Variants in FAT1 observed in about 807,000 individuals in gnomAD.
FAT1 encodes FAT atypical cadherin 1.
Under a neutral mutation model 329.8 loss-of-function variants are expected in FAT1, and 171 were observed. The ratio of observed to expected loss-of-function variants is 0.52; its 90% CI spans 0.46 to 0.59. The LOEUF is 0.59. FAT1 is among the 20% of genes least tolerant of loss of function. The pLI, the probability that FAT1 is intolerant of heterozygous loss-of-function variation, is 0.00. For missense variants in FAT1, 5,672 were observed against 5,774.4 expected, an observed-to-expected ratio of 0.98 and a Z score of 0.57; for synonymous variants, 2,233 against 2,228.6, an observed-to-expected ratio of 1.00 and a Z score of -0.06.
chr4:186,700,457 C>T (rs539634412), intron 2 of FAT1, among the ~76,000 whole-genome samples: 1 of 152,300 alleles, frequency 6.6e-6, no homozygotes, highest in African/African-American at 2.4e-5. Context: ...AATTCAAACT[C>T]CTGTCCTCCT....
intron 1 of FAT1, among the ~76,000 whole-genome samples, chr4:186,715,461 T>C (rs1745168121): frequency 6.6e-6 from 1 of 152,144 alleles, no homozygotes; most frequent in African/African-American, 2.4e-5. Flanking sequence ...AATGAAAAAA[T>C]ACACTTTTTG....
chr4:186,621,521 C>A lies in FAT1; in HGVS notation c.5065G>T (p.Val1689Phe), dbSNP rs746745969. The A allele has an allele frequency of 6.2e-7, 1 of 1,613,974 alleles. No individual in the cohort carries two copies. The highest frequency in any genetic ancestry group is 8.5e-7 in the Non-Finnish European group (1 of 1,179,854). Residue 1689 changes from valine (V) to phenylalanine (F), a missense_variant, in exon 10 of 27, where the codon GTT becomes TTT. Physicochemically the swap from Val to Phe is conservative, Grantham distance 50. Coordinates refer to ENST00000441802, the MANE Select transcript of FAT1 (RefSeq NM_005245.4). ...TVSIGSFVGM[V>F]TAHSQSSVVY... Reference sequence around the variant, plus strand: ...ACTGATGATTGACTATGGGCTGTAACCATCCCAACGAAACTCCCAATGCTG... The same window carrying A: ...ACTGATGATTGACTATGGGCTGTAAACATCCCAACGAAACTCCCAATGCTG...
chr4:186,663,071 C>T (rs941324631), intron 3 of FAT1, among the ~76,000 whole-genome samples: 2 of 152,290 alleles, frequency 1.3e-5, no homozygotes, highest in African/African-American at 2.4e-5. Context: ...CTCCTGACCT[C>T]GTGATCTGCC....
chr4:186,723,538 G>C (rs564662694), intron 1 of FAT1, 126 bp downstream of exon 1: 1 of 152,362 alleles, frequency 6.6e-6, no homozygotes, highest in South Asian at 2.1e-4. Flanking sequence ...GGGAAGTCGC[G>C]CGCTCATCCG....
Position 186,617,974 on chromosome 4 carries a change from G to A in FAT1, c.8612C>T (p.Thr2871Ile), listed in dbSNP as rs756707942. 1.9e-6 allele frequency: 3 copies of A among 1,614,000 alleles called. No homozygotes were observed. Among genetic ancestry groups the A allele is most frequent in the Non-Finnish European group, 2.5e-6 (3 of 1,179,896 alleles). The stretch of plus-strand genomic sequence containing the variant: ...CTTTTCATGGTCAAGTTCCTTTAAA[G>A]TTGTAATCCAGCCTGTTTCCATGTT... The part of the protein sequence containing the change: ...AINMETGWIT[T>I]LKELDHEKRD... The change falls in exon 10 of 27, where the codon ACT (threonine) becomes ATT (isoleucine). Residue 2871 changes from threonine (T) to isoleucine (I), a missense_variant. By Grantham distance (89) the Thr-to-Ile change is moderately conservative (BLOSUM62 -1). This residue lies in a region of FAT1 where 3,966 missense variants were observed against 3,915.2 expected (regional missense o/e 1.01). Transcript: ENST00000441802.
intron 2 of FAT1, among the ~76,000 whole-genome samples, chr4:186,670,223 CA>C (rs1742668846): frequency 6.6e-6 from 1 of 152,182 alleles, no homozygotes; most frequent in Admixed American, 6.5e-5. Flanking sequence ...CCCAGCAACA[CA>C]AATTTGCAAA....
intron 2 of FAT1, among the ~76,000 whole-genome samples, chr4:186,683,692 A>G (rs186374345): frequency 9.9e-4 from 150 of 152,014 alleles, no homozygotes; most frequent in African/African-American, 3.5e-3. Flanking sequence ...TCATTTCCCC[A>G]CAACCTCCTC....
intron 3 of FAT1, among the ~76,000 whole-genome samples, chr4:186,646,004 C>CAA (rs1491403367): frequency 7.4e-6 from 1 of 134,984 alleles, no homozygotes; most frequent in Non-Finnish European, 1.6e-5. Flanking sequence ...CACACACACA[C>CAA]ATGAAAGATG....
At chr4:186,616,433 G>A (rs1739715612) in intron 11 of FAT1, among the ~76,000 whole-genome samples, 1 of 151,614 alleles carries the variant, frequency 6.6e-6, no homozygotes, top group African/African-American at 2.4e-5. Flanking sequence ...ACTGCCCCCC[G>A]AAGCTGAGCC....
chr4:186,604,427 A>G lies in FAT1; in HGVS notation c.10498T>C (p.Ser3500Pro), dbSNP rs373140687. 2 of 1,613,876 alleles carry G rather than the reference A, an allele frequency of 1.2e-6. No homozygotes were observed. Among genetic ancestry groups the G allele is most frequent in the South Asian group, 2.2e-5 (2 of 91,048 alleles). Residue 3500 changes from serine (S) to proline (P), a missense_variant, in exon 18 of 27, where the codon TCA becomes CCA. Transcript: ENST00000441802. ...EVNPQGVLLTSSAIKRKEKDH... is the reference protein window; with the variant it reads ...EVNPQGVLLTPSAIKRKEKDH... ...TTCTCCTTCCTCTTGATGGCAGATGATGTCAGGAGGACTCCTTGCGGGTTA... is the reference window on the plus strand; with the variant it reads ...TTCTCCTTCCTCTTGATGGCAGATGGTGTCAGGAGGACTCCTTGCGGGTTA...
chr4:186,644,146 T>C (rs571595814), intron 3 of FAT1, among the ~76,000 whole-genome samples: 2 of 152,158 alleles, frequency 1.3e-5, no homozygotes, highest in Non-Finnish European at 2.9e-5. Context: ...AGCGTTTTTT[T>C]CTCCCTATCA....
intron 1 of FAT1, among the ~76,000 whole-genome samples, chr4:186,717,312 T>C (rs1745258640): frequency 6.6e-6 from 1 of 152,234 alleles, no homozygotes; most frequent in African/African-American, 2.4e-5. Context: ...ATTTTCAGCA[T>C]GAACGGAGGA....
chr4:186,595,679 G>T lies in FAT1; in HGVS notation c.13138+10C>A. 1 of 1,613,648 alleles carries T rather than the reference G, an allele frequency of 6.2e-7. No individual in the cohort carries two copies. The highest frequency in any genetic ancestry group is 8.5e-7 in the Non-Finnish European group (1 of 1,179,772). On this transcript the variant is annotated intron_variant, in intron 26 of 26. Coordinates refer to ENST00000441802, the MANE Select transcript of FAT1 (RefSeq NM_005245.4). The stretch of plus-strand genomic sequence containing the variant: ...GCAAAGCGCAGTGTTGCAGCACACT[G>T]CTGCCTCACCATTGTCATCGCACGA...
At chr4:186,653,172 C>T (rs953857750) in intron 3 of FAT1, among the ~76,000 whole-genome samples, 1 of 152,066 alleles carries the variant, frequency 6.6e-6, no homozygotes, top group Non-Finnish European at 1.5e-5. Flanking sequence ...ATACTTAGAG[C>T]CAACTGTTTG....
At position 186,707,922 on chromosome 4, in the gene FAT1, C is replaced by A. The variant is rs202140013; in HGVS notation, c.1906G>T (p.Ala636Ser). Residue 636 changes from alanine to serine, a missense_variant, in exon 2 of 27, where the codon GCA becomes TCA. Transcript: ENST00000441802. ...LKRSLMDGLGAKVSFHSLRIT... is the reference protein window; with the variant it reads ...LKRSLMDGLGSKVSFHSLRIT... ...CTCAGACTGTGGAAAGACACCTTTG[C>A]ACCTAAGCCATCCATTAGCGATCGC... is the stretch of plus-strand genomic sequence containing the variant. The A allele has an allele frequency of 6.2e-7, 1 of 1,613,982 alleles. No individual in the cohort carries two copies. Among genetic ancestry groups the A allele is most frequent in the Non-Finnish European group, 8.5e-7 (1 of 1,179,886 alleles).
chr4:186,673,203 C>G (rs151255370), intron 2 of FAT1, among the ~76,000 whole-genome samples: 13 of 152,290 alleles, frequency 8.5e-5, no homozygotes, highest in Non-Finnish European at 1.9e-4. Context: ...ATAAATCCAT[C>G]CAGTGAACAG....
intron 2 of FAT1, among the ~76,000 whole-genome samples, chr4:186,681,525 T>C (rs1357217003): frequency 6.6e-6 from 1 of 152,178 alleles, no homozygotes; most frequent in African/African-American, 2.4e-5. Context: ...AATCACTTAT[T>C]GTAGAGCCCA....
intron 9 of FAT1, among the ~76,000 whole-genome samples, chr4:186,624,442 A>G (rs1192966232): frequency 1.3e-5 from 2 of 152,178 alleles, no homozygotes; most frequent in African/African-American, 4.8e-5. Context: ...AGGAAAACCA[A>G]TTCTAATCAA....
At chr4:186,713,992 CTTTT>C (rs958472102) in intron 1 of FAT1, among the ~76,000 whole-genome samples, 6 of 151,776 alleles carry the variant, frequency 4.0e-5, no homozygotes, top group African/African-American at 1.5e-4. Flanking sequence ...CAACCTGAAT[CTTTT>C]TTTTTCTCAA....
Sources: allele counts gnomAD v4.1 joint callset (sites outside exome capture counted in the v4.1 genomes callset), GRCh38; gene constraint gnomAD v4.1.1; regional missense constraint gnomAD v4.1.1; transcripts MANE v1.5; gene names NCBI Gene and HGNC (gene_info 2026-07-23, HGNC 2026-07-21).